The following ITPR1 variants were observed in gnomAD, a reference collection of about 807,000 sequenced individuals.
ITPR1 encodes the protein inositol 1,4,5-trisphosphate-gated calcium channel ITPR1.
Under a neutral mutation model 318.4 loss-of-function variants are expected in ITPR1, and 96 were observed. The ratio of observed to expected loss-of-function variants is 0.30; its 90% CI spans 0.26 to 0.36. ITPR1 has a LOEUF of 0.36. ITPR1 is among the 10% of genes least tolerant of loss of function. The pLI is 1.00. For synonymous variants in ITPR1, 1,312 were observed against 1,289.9 expected (o/e 1.02, Z -0.37); for missense variants, 2,440 against 3,460.2 (o/e 0.71, Z 7.40).
At chr3:4,829,153 T>A (rs1402226300) in intron 60 of ITPR1, among the ~76,000 whole-genome samples, 2 of 152,212 alleles carry the variant, frequency 1.3e-5, no homozygotes, top group Non-Finnish European at 2.9e-5. Flanking sequence ...TGAGGTGATC[T>A]CTTTCAAAAA....
At chr3:4,519,623 C>T (rs2082412369) in intron 3 of ITPR1, among the ~76,000 whole-genome samples, 1 of 152,136 alleles carries the variant, frequency 6.6e-6, no homozygotes, top group Non-Finnish European at 1.5e-5. Context: ...CTTACAGGAG[C>T]TTAAGGTGGT....
At chr3:4,633,960 C>T (rs1391498185) in intron 5 of ITPR1, among the ~76,000 whole-genome samples, 2 of 152,178 alleles carry the variant, frequency 1.3e-5, no homozygotes, top group Non-Finnish European at 2.9e-5. Context: ...CTTACTGTTT[C>T]AGTCACCTTT....
intron 2 of ITPR1, among the ~76,000 whole-genome samples, chr3:4,499,372 C>T (rs755953484): frequency 6.6e-6 from 1 of 152,074 alleles, no homozygotes; most frequent in Non-Finnish European, 1.5e-5. Flanking sequence ...ACCTTTTGTA[C>T]ATCTTGAACA....
chr3:4,657,949 CT>C (rs2093750097), intron 12 of ITPR1, among the ~76,000 whole-genome samples, 174 bp from the exon 13 acceptor site: 1 of 152,188 alleles, frequency 6.6e-6, no homozygotes, highest in Non-Finnish European at 1.5e-5. Flanking sequence ...GTAAATATCC[CT>C]GGCTGCATGG....
At chr3:4,538,774 G>A (rs144673169) in intron 4 of ITPR1, among the ~76,000 whole-genome samples, 7 of 152,100 alleles carry the variant, frequency 4.6e-5, no homozygotes, top group Non-Finnish European at 8.8e-5. Context: ...ACTAATTCAA[G>A]AACAGAAAAC....
At chr3:4,668,089 G>C (rs2093989073) in intron 18 of ITPR1, among the ~76,000 whole-genome samples, 2 of 151,722 alleles carry the variant, frequency 1.3e-5, no homozygotes, top group South Asian at 4.2e-4. Flanking sequence ...TATTCTTTTA[G>C]TTATTTTAAA....
At chr3:4,730,298 T>C (rs2042821770) in intron 42 of ITPR1, among the ~76,000 whole-genome samples, 1 of 149,434 alleles carries the variant, frequency 6.7e-6, no homozygotes, top group Non-Finnish European at 1.5e-5. Flanking sequence ...TGTATGTGTG[T>C]ATAGAGAAGG....
chr3:4,642,636 A>T (rs1400803745), intron 7 of ITPR1, among the ~76,000 whole-genome samples: 1 of 152,256 alleles, frequency 6.6e-6, no homozygotes, highest in Non-Finnish European at 1.5e-5. Flanking sequence ...TGGAAAAGAA[A>T]CAACCGTAGT....
chr3:4,637,877 G>A (rs569477949), intron 5 of ITPR1, among the ~76,000 whole-genome samples: 15 of 152,288 alleles, frequency 9.8e-5, no homozygotes, highest in Non-Finnish European at 2.2e-4. Context: ...GTCACCTTTT[G>A]AAATGTTAAT....
chr3:4,630,729 G>A (rs902715456), intron 5 of ITPR1, among the ~76,000 whole-genome samples: 3 of 151,842 alleles, frequency 2.0e-5, no homozygotes, highest in Non-Finnish European at 4.4e-5. Flanking sequence ...GGAATTACAG[G>A]CATGCACCAC....
intron 12 of ITPR1, 97 bp from the exon 13 acceptor site, chr3:4,658,027 G>T: frequency 8.2e-7 from 1 of 1,222,738 alleles, no homozygotes. Context: ...TGACATTCAC[G>T]ATCCTTTCTT....
At chr3:4,542,681 G>GGT (rs1471926120) in intron 4 of ITPR1, among the ~76,000 whole-genome samples, 1 of 55,872 alleles carries the variant, frequency 1.8e-5, no homozygotes, top group African/African-American at 3.3e-5. Flanking sequence ...TCTTGTGTGT[G>GGT]GCGGGGGGGT....
chr3:4,664,252 G>A (rs1365923308), intron 16 of ITPR1, among the ~76,000 whole-genome samples: 1 of 152,172 alleles, frequency 6.6e-6, no homozygotes, highest in Non-Finnish European at 1.5e-5. Flanking sequence ...GAAATACATA[G>A]ATGATATTGT....
chr3:4,593,502 A>G (rs964401323), intron 4 of ITPR1, among the ~76,000 whole-genome samples: 1 of 152,240 alleles, frequency 6.6e-6, no homozygotes, highest in Non-Finnish European at 1.5e-5. Context: ...TCTAAGGGCT[A>G]AAATTACAAC....
chr3:4,760,651 C>T (rs1456713166), intron 44 of ITPR1, among the ~76,000 whole-genome samples: 1 of 152,194 alleles, frequency 6.6e-6, no homozygotes, highest in Non-Finnish European at 1.5e-5. Flanking sequence ...GCCAGCGCTC[C>T]TTTCTGGAGG....
intron 4 of ITPR1, among the ~76,000 whole-genome samples, chr3:4,590,233 G>A (rs186632721): frequency 4.6e-5 from 6 of 129,180 alleles, no homozygotes; most frequent in Admixed American, 4.6e-4. Context: ...ACTGTATGTC[G>A]TGTTACTTCC....
intron 40 of ITPR1, among the ~76,000 whole-genome samples, chr3:4,722,027 C>T (rs1028535080): frequency 6.6e-6 from 1 of 152,062 alleles, no homozygotes; most frequent in Non-Finnish European, 1.5e-5. Flanking sequence ...AGATCAGTGT[C>T]GCATATGCAT....
At chr3:4,612,126 A>G (rs1299680056) in intron 4 of ITPR1, among the ~76,000 whole-genome samples, 1 of 125,116 alleles carries the variant, frequency 8.0e-6, no homozygotes, top group Non-Finnish European at 1.6e-5. Flanking sequence ...AGTGCAGTCC[A>G]TGTCGGCTCA....
At chr3:4,829,528 T>C (rs1406765392) in intron 60 of ITPR1, among the ~76,000 whole-genome samples, 2 of 152,180 alleles carry the variant, frequency 1.3e-5, no homozygotes, top group African/African-American at 4.8e-5. Flanking sequence ...AAAAAATTAC[T>C]AGACTTTATT....
Sources: allele counts gnomAD v4.1 joint callset (sites outside exome capture counted in the v4.1 genomes callset), GRCh38; gene constraint gnomAD v4.1.1; transcripts MANE v1.5; gene names NCBI Gene and HGNC (gene_info 2026-07-23, HGNC 2026-07-21).